Variants in PNLDC1 observed in about 807,000 individuals in gnomAD.
PNLDC1 encodes the protein PARN like ribonuclease domain containing exonuclease 1.
Under a neutral mutation model 82.0 loss-of-function variants are expected in PNLDC1, and 70 were observed. That is an observed-to-expected ratio of 0.85 (90% confidence interval 0.70 to 1.04). The LOEUF (loss-of-function observed/expected upper bound fraction) is 1.04, where lower values mean the gene tolerates loss of function less well. Ranked by LOEUF, PNLDC1 falls within the 50% of genes least tolerant of loss-of-function variation. PNLDC1 has a pLI of 0.00. For synonymous variants in PNLDC1, 280 were observed against 249.3 expected, an observed-to-expected ratio of 1.12 and a Z score of -1.16; for missense variants, 631 against 661.1, an observed-to-expected ratio of 0.95 and a Z score of 0.50.
chr6:159,800,246 C>T (rs1378711970), upstream of PNLDC1: 6 of 1,461,052 alleles, frequency 4.1e-6, no homozygotes, highest in Non-Finnish European at 5.6e-6. Flanking sequence ...GCGACGGAAG[C>T]GCGTGGGCAG....
At chr6:159,810,916 A>G (rs1472139715) in intron 10 of PNLDC1, among the ~76,000 whole-genome samples, 1 of 152,208 alleles carries the variant, frequency 6.6e-6, no homozygotes, top group Non-Finnish European at 1.5e-5. Context: ...AACTAAGTAC[A>G]ACAAAATAAG....
chr6:159,816,006 G>A lies in PNLDC1; in HGVS notation c.1033G>A (p.Val345Ile). The change falls in exon 13 of 19, where the codon GTT (valine) becomes ATT (isoleucine). Residue 345 changes from valine to isoleucine, a missense_variant. By Grantham distance (29) the Val-to-Ile change is conservative. Transcript: ENST00000392167. ...NPTKNSGPEIVHASRCEKYVE... is the reference protein window; with the variant it reads ...NPTKNSGPEIIHASRCEKYVE... ...CACCAAGAATTCTGGACCAGAGATTGTTCACGCGAGCAGGTGTGAGAAATA... is the reference window on the plus strand; with the variant it reads ...CACCAAGAATTCTGGACCAGAGATTATTCACGCGAGCAGGTGTGAGAAATA... 1 of 1,613,356 alleles carries A rather than the reference G, an allele frequency of 6.2e-7. No homozygotes were observed. The highest frequency in any genetic ancestry group is 8.5e-7 in the Non-Finnish European group (1 of 1,179,782).
chr6:159,804,579 G>A lies in PNLDC1; in HGVS notation c.403G>A (p.Glu135Lys), dbSNP rs1003276196. ...CAAAAACGGAATCCCATATATGAATGAAGAACAGGAGAAGAAAATTAGACA... is the reference window on the plus strand; with the variant it reads ...CAAAAACGGAATCCCATATATGAATAAAGAACAGGAGAAGAAAATTAGACA... ...FLKNGIPYMNEEQEKKIRHDI... is the reference protein window; with the variant it reads ...FLKNGIPYMNKEQEKKIRHDI... Residue 135 changes from glutamate (E) to lysine (K), a missense_variant, in exon 6 of 19, where the codon GAA becomes AAA. Transcript: ENST00000392167. The A allele has an allele frequency of 1.2e-6, 2 of 1,609,164 alleles. No individual in the cohort carries two copies. The highest frequency in any genetic ancestry group is 4.5e-5 in the East Asian group (2 of 44,856).
rs1402865042 is a variant in PNLDC1 at position 159,800,390 on chromosome 6, A to C, written c.76+7A>C. 6 of 1,547,458 alleles carry C rather than the reference A, an allele frequency of 3.9e-6. No individual in the cohort carries two copies. Among genetic ancestry groups the C allele is most frequent in the Non-Finnish European group, 5.2e-6 (6 of 1,146,104 alleles). On this transcript the variant is annotated splice_region_variant and intron_variant, in intron 1 of 18. Transcript: ENST00000392167. ...CAGGAGGCCGACTTCGTGGGTGAAG[A>C]GCCTGGGATTCGCGGCTGTGCCGGA...
At chr6:159,814,247 G>A (rs772018203) in intron 12 of PNLDC1, among the ~76,000 whole-genome samples, 21 of 152,204 alleles carry the variant, frequency 1.4e-4, no homozygotes, top group Admixed American at 3.9e-4. Context: ...GACGAGGCAC[G>A]AGAGGCGTTT....
Position 159,820,555 on chromosome 6 carries a change from A to G in PNLDC1, c.*38A>G, listed in dbSNP as rs1583188695. On this transcript the variant is annotated 3_prime_UTR_variant, in exon 19 of 19. Transcript: ENST00000392167. ...CTCCTGCGGCCACCCTCGGGTCCCCATGCTCTCTGGGAGGTGTGCTGGGTG... is the reference window on the plus strand; with the variant it reads ...CTCCTGCGGCCACCCTCGGGTCCCCGTGCTCTCTGGGAGGTGTGCTGGGTG... 4.4e-6 allele frequency: 7 copies of G among 1,596,176 alleles called. No individual in the cohort carries two copies. The highest frequency in any genetic ancestry group is 4.5e-5 in the East Asian group (2 of 44,820).
intron 3 of PNLDC1, among the ~76,000 whole-genome samples, chr6:159,803,001 T>A (rs1184472840): frequency 6.6e-6 from 1 of 152,320 alleles, no homozygotes; most frequent in East Asian, 1.9e-4. Context: ...GTGGATAGTT[T>A]TAAAACTATG....
At position 159,819,878 on chromosome 6, in the gene PNLDC1, C is replaced by T. The variant is rs1781978121; in HGVS notation, c.1532+526C>T. ...GATGCAGGAGAAGGAACCAGTGCCC[C>T]CCAGCTGGGGGCCACCCAGGGAGGA... On this transcript the variant is annotated intron_variant, in intron 18 of 18. Transcript: ENST00000392167. The surrounding 1 kb of genome is among the most constrained non-coding windows in gnomAD (Gnocchi z 4.6). Among the ~76,000 whole-genome samples the T allele has an allele frequency of 6.6e-6, 1 of 152,044 alleles. No homozygotes were observed. Among genetic ancestry groups the T allele is most frequent in the Non-Finnish European group, 1.5e-5 (1 of 68,010 alleles).
intron 9 of PNLDC1, 72 bp downstream of exon 9, chr6:159,809,230 C>T (rs1055127938): frequency 5.2e-6 from 8 of 1,533,502 alleles, no homozygotes; most frequent in South Asian, 4.8e-5. Context: ...ACTAAAGGCT[C>T]CTTCAACAAC....
chr6:159,818,801 A>T, intron 16 of PNLDC1, 145 bp from the exon 17 acceptor site: 1 of 1,207,004 alleles, frequency 8.3e-7, no homozygotes, highest in Non-Finnish European at 1.2e-6. Context: ...ATGTTTCTCC[A>T]CTAAAGCCAA....
At chr6:159,818,716 G>A (rs976460232) in intron 16 of PNLDC1, 62 bp downstream of exon 16, 12 of 1,495,932 alleles carry the variant, frequency 8.0e-6, no homozygotes, top group Admixed American at 1.7e-5. Flanking sequence ...GCTGGGAAGC[G>A]GCCAGTGCTC....
intron 7 of PNLDC1, among the ~76,000 whole-genome samples, chr6:159,806,403 G>C (rs4709378): frequency 0.78 from 118,472 of 152,120 alleles, 46,419 homozygotes; most frequent in South Asian, 0.85. Context: ...TTTTCCCCCA[G>C]CATGTGGTGT....
chr6:159,820,327 T>G, intron 18 of PNLDC1, 127 bp from the exon 19 acceptor site: 1 of 874,694 alleles, frequency 1.1e-6, no homozygotes, highest in Non-Finnish European at 1.8e-6. Context: ...AGTGTTGTCG[T>G]CGGGAGAGTG....
At chr6:159,816,118 C>T in intron 13 of PNLDC1, 85 bp downstream of exon 13, 1 of 1,162,342 alleles carries the variant, frequency 8.6e-7, no homozygotes, top group East Asian at 2.6e-5. Flanking sequence ...CCTGGTTCCC[C>T]CACACCCCTC....
intron 10 of PNLDC1, 106 bp from the exon 11 acceptor site, chr6:159,811,595 T>C (rs1041667606): frequency 1.4e-5 from 11 of 804,378 alleles, no homozygotes; most frequent in Middle Eastern, 2.3e-4. Context: ...TTTGTTTCAG[T>C]TTGCTTTATT....
intron 10 of PNLDC1, among the ~76,000 whole-genome samples, chr6:159,810,451 C>CA (rs1466199002): frequency 6.6e-6 from 1 of 152,190 alleles, no homozygotes; most frequent in African/African-American, 2.4e-5. Flanking sequence ...TTTGATTACA[C>CA]TATTTGATTT....
chr6:159,811,927 T>A, intron 11 of PNLDC1, 141 bp downstream of exon 11: 5 of 668,804 alleles, frequency 7.5e-6, no homozygotes, highest in South Asian at 2.0e-5. Flanking sequence ...TGAGAGGGAG[T>A]CTTGCTCTCA....
chr6:159,800,621 C>G, intron 1 of PNLDC1, 151 bp from the exon 2 acceptor site: 1 of 1,590,260 alleles, frequency 6.3e-7, no homozygotes, highest in Non-Finnish European at 8.6e-7. Flanking sequence ...CTGCTCCTTG[C>G]CTTGGTTCCT....
chr6:159,805,646 C>G, intron 6 of PNLDC1: 1 of 213,484 alleles, frequency 4.7e-6, no homozygotes, highest in South Asian at 9.0e-5. Flanking sequence ...CAGATAGAGA[C>G]TTTATCACCC....
Sources: allele counts gnomAD v4.1 joint callset (sites outside exome capture counted in the v4.1 genomes callset), GRCh38; gene constraint gnomAD v4.1.1; non-coding constraint Gnocchi (gnomAD v3.1); transcripts MANE v1.5; gene names NCBI Gene and HGNC (gene_info 2026-07-23, HGNC 2026-07-21).